ACER3: variants seen among roughly 807,000 people sequenced by gnomAD.
ACER3 encodes the protein alkaline ceramidase 3.
Under a neutral mutation model 48.9 loss-of-function variants are expected in ACER3, and 16 were observed. That is an observed-to-expected ratio of 0.33 (90% CI 0.22 to 0.50). ACER3 has a LOEUF of 0.50. Ranked by LOEUF, ACER3 falls within the 20% of genes least tolerant of loss-of-function variation. ACER3 has a pLI of 0.98. For synonymous variants in ACER3, 109 were observed against 107.8 expected (o/e 1.01, Z -0.07); for missense variants, 227 against 326.0 (o/e 0.70, Z 2.34).
chr11:76,941,662 TTAGAA>T (rs1009990577), intron 2 of ACER3, among the ~76,000 whole-genome samples: 7 of 152,170 alleles, frequency 4.6e-5, no homozygotes, highest in Admixed American at 1.3e-4. Flanking sequence ...CATATGAACC[TTAGAA>T]TAGGTTTTTT....
intron 1 of ACER3, among the ~76,000 whole-genome samples, chr11:76,918,589 G>A (rs1321264641): frequency 6.6e-6 from 1 of 151,812 alleles, no homozygotes; most frequent in Non-Finnish European, 1.5e-5. Flanking sequence ...ACATGTGCAA[G>A]TTCACTATAT....
chr11:76,908,104 C>A (rs1946280387), intron 1 of ACER3, among the ~76,000 whole-genome samples: 1 of 151,488 alleles, frequency 6.6e-6, no homozygotes, highest in Admixed American at 6.6e-5. Flanking sequence ...GGCATGGTGG[C>A]ACATGCCTGT....
At chr11:76,961,621 A>C (rs912155834) in intron 3 of ACER3, among the ~76,000 whole-genome samples, 1 of 151,622 alleles carries the variant, frequency 6.6e-6, no homozygotes, top group African/African-American at 2.4e-5. Flanking sequence ...GGCTCAAAAA[A>C]TTATGGGAAT....
chr11:76,947,839 A>G (rs1404211038), intron 2 of ACER3, among the ~76,000 whole-genome samples: 1 of 152,248 alleles, frequency 6.6e-6, no homozygotes, highest in Non-Finnish European at 1.5e-5. Context: ...TGATTTTCAG[A>G]TAACTACATT....
chr11:76,988,158 G>A (rs999456607), intron 5 of ACER3, among the ~76,000 whole-genome samples: 2 of 152,176 alleles, frequency 1.3e-5, no homozygotes, highest in South Asian at 4.1e-4. Flanking sequence ...AGAGCTAATA[G>A]AAATTTTCAG....
rs1183514192 is a variant in ACER3, at chr11:76,990,594, T to C, written c.438+20T>C. The C allele has an allele frequency of 3.6e-6, 5 of 1,391,744 alleles. No homozygotes were observed. Among genetic ancestry groups the C allele is most frequent in the Non-Finnish European group, 5.1e-6 (5 of 979,876 alleles). 86.2% of individuals were successfully genotyped at this position (1,391,744 alleles called of 1,614,324 possible). A position where few individuals can be genotyped will look rare whatever the true frequency, so the allele number is the denominator to read the frequency against. On this transcript the variant is annotated intron_variant, in intron 6 of 10. Transcript: ENST00000532485. Reference sequence around the variant, plus strand: ...CATCAGGTAATTTTTTGTAAATTATTACACATTAGATTGTTTACGATACAT... The same window carrying C: ...CATCAGGTAATTTTTTGTAAATTATCACACATTAGATTGTTTACGATACAT...
chr11:76,994,176 G>A (rs535594364), intron 6 of ACER3: 24 of 451,572 alleles, frequency 5.3e-5, no homozygotes, highest in Admixed American at 1.9e-4. Context: ...CTGTCACCCC[G>A]GCTGAAGTGC....
chr11:76,926,716 A>G (rs761485208), intron 2 of ACER3, 49 bp downstream of exon 2: 23 of 1,181,310 alleles, frequency 1.9e-5, no homozygotes, highest in Non-Finnish European at 2.8e-5. Flanking sequence ...CAAATGGGCC[A>G]TTTTTCTCAT....
rs577740780 is a variant in ACER3 at position 76,928,399 on chromosome 11, C to T, written c.214+1732C>T. On this transcript the variant is annotated intron_variant, in intron 2 of 10. Coordinates refer to ENST00000532485, the MANE Select transcript of ACER3 (RefSeq NM_018367.7). The stretch of plus-strand genomic sequence containing the variant: ...TGAGTAGATTGCAAAAATTTTCTCC[C>T]ATTCTGTAGGTTGCCTGTTCACTCT... 2.6e-5 allele frequency among the ~76,000 whole-genome samples: 4 copies of T among 152,222 alleles called. No individual in the cohort carries two copies. The East Asian group carries it at 7.7e-4, about 29-fold the overall frequency.
intron 7 of ACER3, among the ~76,000 whole-genome samples, chr11:77,009,996 A>T (rs1275942445): frequency 2.0e-5 from 3 of 152,104 alleles, no homozygotes; most frequent in African/African-American, 7.2e-5. Context: ...AGCCAGGACC[A>T]TTAAAGAGGT....
intron 1 of ACER3, among the ~76,000 whole-genome samples, chr11:76,897,271 T>C (rs903054353): frequency 6.6e-6 from 1 of 152,170 alleles, no homozygotes; most frequent in Non-Finnish European, 1.5e-5. Context: ...AGGAGAACTT[T>C]AATAGCCTTT....
chr11:76,940,874 G>T (rs964880159), intron 2 of ACER3, among the ~76,000 whole-genome samples: 3 of 152,088 alleles, frequency 2.0e-5, no homozygotes, highest in Non-Finnish European at 4.4e-5. Context: ...GGGAATGTTC[G>T]ATGGATAAGT....
chr11:76,993,800 A>G (rs1341597128), intron 6 of ACER3, among the ~76,000 whole-genome samples: 2 of 152,230 alleles, frequency 1.3e-5, no homozygotes, highest in African/African-American at 4.8e-5. Context: ...TGCAGTTCAC[A>G]ATAGTGTTTG....
chr11:76,982,437 G>A (rs190091774), intron 4 of ACER3, among the ~76,000 whole-genome samples: 28 of 152,074 alleles, frequency 1.8e-4, no homozygotes, highest in African/African-American at 6.0e-4. Context: ...GGATGGTCTC[G>A]ATCTCTTGAC....
intron 2 of ACER3, among the ~76,000 whole-genome samples, chr11:76,949,926 A>G (rs1276398342): frequency 6.6e-6 from 1 of 152,082 alleles, no homozygotes; most frequent in African/African-American, 2.4e-5. Context: ...CATATACCCA[A>G]CAGTTTAGCT....
intron 2 of ACER3, among the ~76,000 whole-genome samples, chr11:76,943,905 C>T (rs927403308): frequency 1.0e-5 from 1 of 96,332 alleles, no homozygotes; most frequent in Non-Finnish European, 2.4e-5. Flanking sequence ...TATATAATGA[C>T]CTTTGTCCTT....
chr11:76,947,059 G>A (rs999788046), intron 2 of ACER3, among the ~76,000 whole-genome samples: 1 of 152,134 alleles, frequency 6.6e-6, no homozygotes, highest in Non-Finnish European at 1.5e-5. Context: ...GGTGCATCTT[G>A]TCACTTCTAT....
At chr11:76,930,894 C>G (rs1946983064) in intron 2 of ACER3, among the ~76,000 whole-genome samples, 1 of 151,706 alleles carries the variant, frequency 6.6e-6, no homozygotes, top group Admixed American at 6.6e-5. Flanking sequence ...ACTATGTGGT[C>G]AATTTTGGAA....
intron 3 of ACER3, chr11:76,959,232 T>C (rs889796595): frequency 1.4e-5 from 20 of 1,436,000 alleles, no homozygotes; most frequent in Non-Finnish European, 1.8e-5. Context: ...GTACAAATAG[T>C]ATAGGGCTTT....
Sources: allele counts gnomAD v4.1 joint callset (sites outside exome capture counted in the v4.1 genomes callset), GRCh38; gene constraint gnomAD v4.1.1; transcripts MANE v1.5; gene names NCBI Gene and HGNC (gene_info 2026-07-23, HGNC 2026-07-21).